WDR64: variants seen among roughly 807,000 people sequenced by gnomAD.
WDR64 encodes WD repeat domain 64.
Under a neutral mutation model 139.3 loss-of-function variants are expected in WDR64, and 112 were observed. That is an observed-to-expected ratio of 0.80 (90% CI 0.69 to 0.94). The LOEUF (loss-of-function observed/expected upper bound fraction) is 0.94, where lower values mean the gene tolerates loss of function less well. Among genes scored for constraint, WDR64 ranks in the 40% least tolerant of loss-of-function variants. The pLI is 0.00. For synonymous variants in WDR64, 444 were observed against 437.7 expected, an observed-to-expected ratio of 1.01 and a Z score of -0.18; for missense variants, 1,206 against 1,293.1, an observed-to-expected ratio of 0.93 and a Z score of 1.03.
chr1:241,692,314 T>C (rs1667332834), intron 8 of WDR64, among the ~76,000 whole-genome samples: 1 of 152,158 alleles, frequency 6.6e-6, no homozygotes, highest in African/African-American at 2.4e-5. Flanking sequence ...AACATTTATA[T>C]GGAAAAGCAA....
chr1:241,653,840 C>T (rs187092214), intron 1 of WDR64, among the ~76,000 whole-genome samples: 6 of 152,190 alleles, frequency 3.9e-5, no homozygotes, highest in Admixed American at 6.5e-5. Flanking sequence ...CCACCGTGCC[C>T]GGCCAAAGTC....
At chr1:241,723,551 A>C in intron 10 of WDR64, 115 bp downstream of exon 10, 1 of 1,186,934 alleles carries the variant, frequency 8.4e-7, no homozygotes, top group East Asian at 2.7e-5. Flanking sequence ...TGAATCATTG[A>C]GAAAAATATT....
At chr1:241,743,741 C>CAG (rs553335047) in intron 12 of WDR64, among the ~76,000 whole-genome samples, 2 of 152,130 alleles carry the variant, frequency 1.3e-5, no homozygotes, top group Non-Finnish European at 2.9e-5. Flanking sequence ...ACTGTGTTTC[C>CAG]AGAGAGAGAT....
intron 3 of WDR64, among the ~76,000 whole-genome samples, chr1:241,673,582 CAA>C (rs1666327718): frequency 6.6e-6 from 1 of 152,094 alleles, no homozygotes; most frequent in African/African-American, 2.4e-5. Context: ...GCTTTCTGCA[CAA>C]AAAGAGTAAA....
chr1:241,667,977 G>A (rs943170964), intron 2 of WDR64, among the ~76,000 whole-genome samples: 1 of 152,200 alleles, frequency 6.6e-6, no homozygotes, highest in Non-Finnish European at 1.5e-5. Context: ...AAAACAAAAT[G>A]TAGCTAGAAG....
chr1:241,697,978 C>T (rs61825798), intron 8 of WDR64, among the ~76,000 whole-genome samples: 11,531 of 152,130 alleles, frequency 0.076, 613 homozygotes, highest in South Asian at 0.14. Context: ...AGCATCAGGT[C>T]CTTAGCCAAC....
rs767856757 is a variant in WDR64, at chr1:241,683,569, A to G, written c.707A>G (p.Asp236Gly). The G allele has an allele frequency of 3.9e-6, 6 of 1,551,724 alleles. No individual in the cohort carries two copies. The highest frequency in any genetic ancestry group is 3.6e-5 in the South Asian group (3 of 84,054). ...CCTTTGCCTGACCATCTCTGCCGAG[A>G]TGACATCCTCTTGGGGGATGATGGG... ...VVPLPDHLCR[D>G]DILLGDDGGF... The change falls in exon 7 of 28, where the codon GAT becomes GGT. Residue 236 changes from aspartate (D) to glycine (G), a missense_variant. Physicochemically the swap from Asp to Gly is moderately conservative, Grantham distance 94. Transcript: ENST00000437684.
At chr1:241,784,953 GAAAAAAAAAAA>G (rs58720618) in intron 23 of WDR64, among the ~76,000 whole-genome samples, 5 of 62,250 alleles carry the variant, frequency 8.0e-5, no homozygotes, top group Non-Finnish European at 1.2e-4. Context: ...GACTCTGTCT[GAAAAAAAAAAA>G]AAAAAAAAAA....
chr1:241,705,175 C>T (rs923239959), intron 8 of WDR64, among the ~76,000 whole-genome samples: 1 of 152,180 alleles, frequency 6.6e-6, no homozygotes, highest in African/African-American at 2.4e-5. Context: ...CTTGGGCAAG[C>T]TTGACATGTG....
At position 241,744,398 on chromosome 1, in the gene WDR64, G is replaced by A; in HGVS notation, c.1476G>A (p.Trp492Ter). The change falls in exon 13 of 28, where the codon TGG (tryptophan) becomes TGA (stop). Residue 492 changes from tryptophan to a stop codon, truncating the protein, a stop_gained. Transcript: ENST00000437684. LOFTEE classifies it high-confidence loss of function. ...ATTTTCGTTCTTTCCCATAGGTATGGGAACTCGAGACTGGGCTCCAAGTAT... is the reference window on the plus strand; with the variant it reads ...ATTTTCGTTCTTTCCCATAGGTATGAGAACTCGAGACTGGGCTCCAAGTAT... ...TICSESIIRVWELETGLQVYQ... is the reference protein window; with the variant it reads ...TICSESIIRV 1 of 1,614,036 alleles carries A rather than the reference G, an allele frequency of 6.2e-7. No individual in the cohort carries two copies. Among genetic ancestry groups the A allele is most frequent in the South Asian group, 1.1e-5 (1 of 91,060 alleles).
At chr1:241,664,608 G>T (rs771327833) in intron 2 of WDR64, among the ~76,000 whole-genome samples, 2 of 152,026 alleles carry the variant, frequency 1.3e-5, no homozygotes, top group Non-Finnish European at 2.9e-5. Context: ...TTTTACAGAT[G>T]AGGAAATCAA....
intron 8 of WDR64, among the ~76,000 whole-genome samples, chr1:241,708,771 C>A (rs1668058908): frequency 6.9e-6 from 1 of 144,486 alleles, no homozygotes; most frequent in Non-Finnish European, 1.5e-5. Context: ...AATTCCCAGG[C>A]TCAAGCGATC....
At chr1:241,682,522 G>A (rs967560104) in intron 6 of WDR64, among the ~76,000 whole-genome samples, 2 of 152,190 alleles carry the variant, frequency 1.3e-5, no homozygotes, top group African/African-American at 4.8e-5. Flanking sequence ...CTATTTTGGT[G>A]ACTATGGCCT....
At chr1:241,756,317 G>A (rs919121266) in intron 14 of WDR64, among the ~76,000 whole-genome samples, 5 of 152,014 alleles carry the variant, frequency 3.3e-5, no homozygotes, top group East Asian at 1.9e-4. Context: ...TATTCTCTTC[G>A]TAGTAACTGT....
intron 15 of WDR64, among the ~76,000 whole-genome samples, chr1:241,765,596 C>T (rs917749619): frequency 1.3e-5 from 2 of 152,070 alleles, no homozygotes; most frequent in African/African-American, 4.8e-5. Flanking sequence ...TAGACCTCTC[C>T]TCTTATTTAA....
Position 241,741,524 on chromosome 1 carries a change from G to A in WDR64, c.1330G>A (p.Val444Ile). Residue 444 changes from valine (V) to isoleucine (I), a missense_variant, in exon 12 of 28, where the codon GTT (valine) becomes ATT (isoleucine). Physicochemically the swap from Val to Ile is conservative, Grantham distance 29. Coordinates refer to ENST00000437684, the MANE Select transcript of WDR64 (RefSeq NM_001367482.1). ...NHGMLITGSS[V>I]MDMYPLTRMI... Reference sequence around the variant, plus strand: ...TCTTACTTCTGTTCCAGGATCTAGTGTTATGGACATGTATCCTTTGACTAG... The same window carrying A: ...TCTTACTTCTGTTCCAGGATCTAGTATTATGGACATGTATCCTTTGACTAG... 1 of 1,606,562 alleles carries A rather than the reference G, an allele frequency of 6.2e-7. No homozygotes were observed. Among genetic ancestry groups the A allele is most frequent in the Non-Finnish European group, 8.5e-7 (1 of 1,178,006 alleles).
intron 11 of WDR64, 60 bp from the exon 12 acceptor site, chr1:241,741,456 C>A: frequency 6.7e-7 from 1 of 1,491,904 alleles, no homozygotes; most frequent in Non-Finnish European, 8.9e-7. Context: ...TTGGCTGAAA[C>A]CCTTTGTGAT....
intron 16 of WDR64, among the ~76,000 whole-genome samples, chr1:241,768,298 C>T (rs1321769605): frequency 6.6e-6 from 1 of 152,146 alleles, no homozygotes; most frequent in Non-Finnish European, 1.5e-5. Context: ...TTTTGCAAAA[C>T]ATATGATTTA....
Position 241,770,071 on chromosome 1 carries a change from G to A in WDR64, c.2184-550G>A, listed in dbSNP as rs1395645587. On this transcript the variant is annotated intron_variant, in intron 17 of 27. Coordinates refer to ENST00000437684, the MANE Select transcript of WDR64 (RefSeq NM_001367482.1). Reference sequence around the variant, plus strand: ...GAGAGAAATCAGAAGCTTCTGTGCTGGTTTGGGGTCACCCAGAGGTGAGCC... The same window carrying A: ...GAGAGAAATCAGAAGCTTCTGTGCTAGTTTGGGGTCACCCAGAGGTGAGCC... 2.0e-5 allele frequency among the ~76,000 whole-genome samples: 3 copies of A among 152,296 alleles called. No homozygotes were observed. In the East Asian group the frequency reaches 5.8e-4, roughly 29 times the overall value.
Sources: gnomAD v4.1 joint callset for allele counts (sites outside exome capture counted in the v4.1 genomes callset) on GRCh38, gnomAD v4.1.1 for gene constraint, MANE v1.5 for transcripts, NCBI Gene and HGNC (gene_info 2026-07-23, HGNC 2026-07-21) for gene names.